The following LEF1 variants were observed in gnomAD, a reference collection of about 807,000 sequenced individuals.
LEF1 encodes the protein lymphoid enhancer binding factor 1, also known as lymphoid enhancer-binding factor 1.
A neutral mutation model predicts 51.2 loss-of-function variants in LEF1; 14 were observed. The ratio of observed to expected loss-of-function variants is 0.27; its 90% CI spans 0.18 to 0.43. The LOEUF (loss-of-function observed/expected upper bound fraction) is 0.43, where lower values mean the gene tolerates loss of function less well. LEF1 is among the 20% of genes least tolerant of loss of function. The probability of loss-of-function intolerance (pLI) is 1.00; values close to 1 mark genes in which losing one functional copy is unlikely to be tolerated. For synonymous variants in LEF1, 185 were observed against 183.2 expected, an observed-to-expected ratio of 1.01 and a Z score of -0.08; for missense variants, 386 against 512.0, an observed-to-expected ratio of 0.75 and a Z score of 2.37.
chr4:108,099,041 A>G (rs1432125089), intron 3 of LEF1, among the ~76,000 whole-genome samples: 3 of 152,236 alleles, frequency 2.0e-5, no homozygotes, highest in African/African-American at 7.2e-5. Flanking sequence ...GAGACATGCC[A>G]TAAGTGTAAA....
intron 1 of LEF1, chr4:108,166,455 G>A (rs1745401074): frequency 7.2e-7 from 1 of 1,397,548 alleles, no homozygotes; most frequent in Non-Finnish European, 9.3e-7. Context: ...AAATCATTCG[G>A]GTGTCAGGAC....
In LEF1 at chr4:108,047,644, T is replaced by C. The variant is rs1249656483; in HGVS notation, c.*1114A>G. The C allele has an allele frequency of 6.6e-6, 1 of 152,664 alleles. No homozygotes were observed. Among genetic ancestry groups the C allele is most frequent in the Non-Finnish European group, 1.5e-5 (1 of 68,048 alleles). The allele number at this position is 152,664 out of a possible 1,614,324, so 9.5% of individuals were successfully genotyped here. On this transcript the variant is annotated 3_prime_UTR_variant, in exon 12 of 12. Coordinates refer to ENST00000265165, the MANE Select transcript of LEF1 (RefSeq NM_016269.5). The stretch of plus-strand genomic sequence containing the variant: ...AATGACAAACGTTAGGATGACAGTT[T>C]TGGGCAAAGGCTGTGCCTTGCTTTT...
intron 9 of LEF1, 89 bp from the exon 10 acceptor site, chr4:108,064,473 CAA>C (rs1560761523): frequency 1.1e-6 from 1 of 942,786 alleles, no homozygotes; most frequent in East Asian, 2.5e-5. Context: ...AGGTGGTCAA[CAA>C]AGAGGTAAAG....
At chr4:108,099,632 A>G (rs1323564670) in intron 3 of LEF1, among the ~76,000 whole-genome samples, 2 of 134,612 alleles carry the variant, frequency 1.5e-5, no homozygotes, top group Admixed American at 8.0e-5. Context: ...AATACTTGAA[A>G]TTATGGGGTA....
rs1328463344 is a variant in LEF1, at chr4:108,099,377, T to C, written c.415-10120A>G. 2.0e-5 allele frequency among the ~76,000 whole-genome samples: 3 copies of C among 151,330 alleles called. No homozygotes were observed. The East Asian group carries it at 5.8e-4, about 29-fold the overall frequency. ...TTGGCGTTTTTGAAACAAAGCTTCCTTGTATGGAAAAGAACTCTTATGGGT... is the reference window on the plus strand; with the variant it reads ...TTGGCGTTTTTGAAACAAAGCTTCCCTGTATGGAAAAGAACTCTTATGGGT... On this transcript the variant is annotated intron_variant, in intron 3 of 11. Transcript: ENST00000265165.
intron 3 of LEF1, among the ~76,000 whole-genome samples, chr4:108,155,210 A>C (rs779014185): frequency 5.9e-5 from 9 of 152,208 alleles, no homozygotes; most frequent in Non-Finnish European, 1.2e-4. Context: ...AGTAGTTAAG[A>C]GTTATCTGGC....
intron 3 of LEF1, among the ~76,000 whole-genome samples, chr4:108,099,568 GTGTATATATATA>G (rs1740636455): frequency 1.0e-4 from 5 of 48,178 alleles, no homozygotes; most frequent in Admixed American, 2.3e-4. Flanking sequence ...GTGTGTGTGT[GTGTATATATATA>G]TATATATATA....
At chr4:108,094,054 C>G (rs903737153) in intron 3 of LEF1, among the ~76,000 whole-genome samples, 1 of 152,216 alleles carries the variant, frequency 6.6e-6, no homozygotes. Flanking sequence ...AGCCAGGATT[C>G]AAATGCAGAA....
At chr4:108,110,105 A>C (rs559007628) in intron 3 of LEF1, among the ~76,000 whole-genome samples, 238 of 152,312 alleles carry the variant, frequency 1.6e-3, no homozygotes, top group African/African-American at 5.5e-3. Flanking sequence ...CTCCAGTAGG[A>C]GGGGAGATGC....
At chr4:108,128,002 G>A (rs1284256450) in intron 3 of LEF1, among the ~76,000 whole-genome samples, 1 of 152,062 alleles carries the variant, frequency 6.6e-6, no homozygotes, top group Non-Finnish European at 1.5e-5. Flanking sequence ...GTTTGCTTAT[G>A]TGTTATATTT....
intron 3 of LEF1, among the ~76,000 whole-genome samples, chr4:108,105,668 T>A (rs1443932851): frequency 6.6e-6 from 1 of 152,204 alleles, no homozygotes; most frequent in African/African-American, 2.4e-5. Context: ...AAATTTTAAG[T>A]CTTCTATCTC....
At chr4:108,140,514 G>A (rs1474175670) in intron 3 of LEF1, among the ~76,000 whole-genome samples, 8 of 152,160 alleles carry the variant, frequency 5.3e-5, no homozygotes, top group Admixed American at 5.2e-4. Context: ...GTAACTCAAA[G>A]CAGCTCTCAC....
chr4:108,137,121 C>T (rs553912619), intron 3 of LEF1, among the ~76,000 whole-genome samples: 2 of 152,276 alleles, frequency 1.3e-5, no homozygotes, highest in South Asian at 4.1e-4. Context: ...AATTTTGAAG[C>T]TACGAAGAAT....
chr4:108,154,847 A>G (rs1369795135), intron 3 of LEF1, among the ~76,000 whole-genome samples: 1 of 152,180 alleles, frequency 6.6e-6, no homozygotes, highest in African/African-American at 2.4e-5. Context: ...CATCCAATAT[A>G]TAAATATTTA....
At chr4:108,146,180 C>G (rs1458683953) in intron 3 of LEF1, among the ~76,000 whole-genome samples, 1 of 152,174 alleles carries the variant, frequency 6.6e-6, no homozygotes, top group African/African-American at 2.4e-5. Flanking sequence ...TCTTTGTCCA[C>G]GTAGCGACCT....
intron 11 of LEF1, among the ~76,000 whole-genome samples, chr4:108,051,406 G>A (rs1736980359): frequency 6.6e-6 from 1 of 152,212 alleles, no homozygotes; most frequent in African/African-American, 2.4e-5. Context: ...TTGCTTTACA[G>A]ATATAAAACA....
chr4:108,163,894 A>C (rs2110424035), intron 2 of LEF1, among the ~76,000 whole-genome samples, 193 bp from the exon 3 acceptor site: 1 of 152,386 alleles, frequency 6.6e-6, no homozygotes, highest in African/African-American at 2.4e-5. Context: ...GCTTAGCAGC[A>C]AACCAGATGT....
chr4:108,063,276 G>C (rs1032451683), intron 11 of LEF1, among the ~76,000 whole-genome samples: 1 of 152,188 alleles, frequency 6.6e-6, no homozygotes, highest in Non-Finnish European at 1.5e-5. Context: ...TGCTGAGTAA[G>C]ATGGCATTTT....
chr4:108,124,561 G>A (rs1232441996), intron 3 of LEF1, among the ~76,000 whole-genome samples: 1 of 151,932 alleles, frequency 6.6e-6, no homozygotes, highest in Non-Finnish European at 1.5e-5. Flanking sequence ...ATAGAGGCAG[G>A]GTTTCACCAT....
Sources: allele counts gnomAD v4.1 joint callset (sites outside exome capture counted in the v4.1 genomes callset), GRCh38; gene constraint gnomAD v4.1.1; transcripts MANE v1.5; gene names NCBI Gene and HGNC (gene_info 2026-07-23, HGNC 2026-07-21).